The following ZCCHC4 variants were observed in gnomAD, a reference collection of about 807,000 sequenced individuals.
ZCCHC4 encodes the protein rRNA N(6)-adenosine-methyltransferase ZCCHC4.
In ZCCHC4, 54 loss-of-function variants were observed where a neutral mutation model predicts 67.7. The ratio of observed to expected loss-of-function variants is 0.80; its 90% CI spans 0.64 to 1.00. The LOEUF (loss-of-function observed/expected upper bound fraction) is 1.00, where lower values mean the gene tolerates loss of function less well. ZCCHC4 is among the 50% of genes least tolerant of loss of function. The pLI is 0.00. For synonymous variants in ZCCHC4, 198 were observed against 213.5 expected, an observed-to-expected ratio of 0.93 and a Z score of 0.63; for missense variants, 609 against 617.0, an observed-to-expected ratio of 0.99 and a Z score of 0.14.
In ZCCHC4 at chr4:25,340,438, C is replaced by T. The variant is rs116423919; in HGVS notation, c.687-5110C>T. Among the ~76,000 whole-genome samples the T allele has an allele frequency of 9.3e-3, 1,407 of 150,624 alleles. 13 individuals are homozygous for T. The highest frequency in any genetic ancestry group is 0.033 in the African/African-American group (1,335 of 40,852). ...TTGAAAATGGGAAGTATGAGTCTTC[C>T]TATTTTGTTCTTTTTCAAGATTGTT... On this transcript the variant is annotated intron_variant, in intron 5 of 12. Transcript: ENST00000302874.
chr4:25,366,178 C>CT lies in ZCCHC4; in HGVS notation c.1406+1013dup, dbSNP rs1321714418. On this transcript the variant is annotated intron_variant, in intron 12 of 12. Coordinates refer to ENST00000302874, the MANE Select transcript of ZCCHC4 (RefSeq NM_024936.3). ...TGAAAATTTTTTTTTCCATTGTGGT[C>CT]TAGCCACTTGAATTCTGGCTACTAT... 4 of 982,274 alleles carry CT rather than the reference C, an allele frequency of 4.1e-6. No individual in the cohort carries two copies. The African/African-American group carries it at 7.0e-5, about 17-fold the overall frequency. 60.8% of individuals were successfully genotyped at this position (982,274 alleles called of 1,614,324 possible). A position where few individuals can be genotyped will look rare whatever the true frequency, so the allele number is the denominator to read the frequency against.
chr4:25,338,743 T>C (rs1719591019), intron 5 of ZCCHC4, among the ~76,000 whole-genome samples: 2 of 152,236 alleles, frequency 1.3e-5, no homozygotes, highest in Non-Finnish European at 2.9e-5. Context: ...CATTCCTTTT[T>C]TTGGCTGAAT....
chr4:25,351,275 C>T (rs1313592858), intron 7 of ZCCHC4, among the ~76,000 whole-genome samples: 1 of 152,140 alleles, frequency 6.6e-6, no homozygotes, highest in Non-Finnish European at 1.5e-5. Flanking sequence ...ACCTTTGTGC[C>T]TCAAAAGTGG....
At position 25,312,808 on chromosome 4, in the gene ZCCHC4, A is replaced by G. The variant is rs1350274308; in HGVS notation, c.-2A>G. 1 of 1,613,014 alleles carries G rather than the reference A, an allele frequency of 6.2e-7. No individual in the cohort carries two copies. Among genetic ancestry groups the G allele is most frequent in the Non-Finnish European group, 8.5e-7 (1 of 1,179,952 alleles). On this transcript the variant is annotated 5_prime_UTR_variant, in exon 1 of 13. Coordinates refer to ENST00000302874, the MANE Select transcript of ZCCHC4 (RefSeq NM_024936.3). ...TGAGGCTTTCGGGACGGCGGCGGGA[A>G]GATGGCGGCCTCCAGGAATGGGTTT...
intron 3 of ZCCHC4, 135 bp downstream of exon 3, chr4:25,315,535 T>A: frequency 1.7e-6 from 1 of 601,492 alleles, no homozygotes; most frequent in Non-Finnish European, 2.6e-6. Flanking sequence ...AATTTGCCAT[T>A]TTAATCATTT....
At chr4:25,336,944 A>C (rs7682435) in intron 5 of ZCCHC4, among the ~76,000 whole-genome samples, 1 of 152,052 alleles carries the variant, frequency 6.6e-6, no homozygotes, top group East Asian at 1.9e-4. Flanking sequence ...ATCACAGTTT[A>C]TAAGTGGCCA....
intron 7 of ZCCHC4, among the ~76,000 whole-genome samples, chr4:25,350,013 T>A (rs953456830): frequency 6.6e-6 from 1 of 152,154 alleles, no homozygotes; most frequent in Non-Finnish European, 1.5e-5. Context: ...CACATACCTC[T>A]GCCCTGTGGA....
chr4:25,348,991 A>T (rs1720155944), intron 6 of ZCCHC4, among the ~76,000 whole-genome samples: 3 of 152,176 alleles, frequency 2.0e-5, no homozygotes, highest in African/African-American at 7.2e-5. Context: ...TGCATGTTCA[A>T]ATATGTCTGC....
At chr4:25,339,356 A>G (rs1015221700) in intron 5 of ZCCHC4, among the ~76,000 whole-genome samples, 1 of 152,332 alleles carries the variant, frequency 6.6e-6, no homozygotes, top group East Asian at 1.9e-4. Context: ...TTCCTGGGGA[A>G]CAGCCAAACT....
At position 25,339,785 on chromosome 4, in the gene ZCCHC4, G is replaced by C. The variant is rs572158642; in HGVS notation, c.687-5763G>C. 1.3e-3 allele frequency among the ~76,000 whole-genome samples: 195 copies of C among 151,956 alleles called. 1 individual carries two copies. The highest frequency in any genetic ancestry group is 4.4e-3 in the African/African-American group (183 of 41,430). Reference sequence around the variant, plus strand: ...TAGGTGTCATATCTAAGAAAGTCTTGCCTAATCCAATGAGTGTCTATACCC... The same window carrying C: ...TAGGTGTCATATCTAAGAAAGTCTTCCCTAATCCAATGAGTGTCTATACCC... On this transcript the variant is annotated intron_variant, in intron 5 of 12. Transcript: ENST00000302874.
intron 5 of ZCCHC4, among the ~76,000 whole-genome samples, chr4:25,336,100 A>G (rs892511251): frequency 1.3e-5 from 2 of 152,270 alleles, no homozygotes; most frequent in African/African-American, 2.4e-5. Context: ...TTGTGCAGTC[A>G]TCACCACTAG....
At chr4:25,333,511 A>T in intron 4 of ZCCHC4, 53 bp downstream of exon 4, 2 of 1,578,088 alleles carry the variant, frequency 1.3e-6, no homozygotes, top group South Asian at 2.3e-5. Context: ...TTGAAACTGT[A>T]TGAAGATTTT....
chr4:25,326,859 A>G (rs1333695016), intron 3 of ZCCHC4, among the ~76,000 whole-genome samples: 3 of 151,576 alleles, frequency 2.0e-5, no homozygotes, highest in Non-Finnish European at 4.4e-5. Context: ...GTCATCTTTA[A>G]TTTTTCTTGG....
intron 10 of ZCCHC4, among the ~76,000 whole-genome samples, chr4:25,363,152 T>C (rs1720817981): frequency 6.6e-6 from 1 of 152,238 alleles, no homozygotes; most frequent in African/African-American, 2.4e-5. Flanking sequence ...TCACTAAAAA[T>C]CTTTTGTGTT....
chr4:25,353,071 C>G (rs1352138348), intron 8 of ZCCHC4, among the ~76,000 whole-genome samples: 1 of 152,140 alleles, frequency 6.6e-6, no homozygotes, highest in Non-Finnish European at 1.5e-5. Flanking sequence ...TATAAGTATA[C>G]ATTTTTAAAC....
At chr4:25,361,761 CATAT>C in intron 8 of ZCCHC4, 94 bp from the exon 9 acceptor site, 2 of 1,229,918 alleles carry the variant, frequency 1.6e-6, no homozygotes, top group South Asian at 3.1e-5. Flanking sequence ...TACTTTAACT[CATAT>C]ATTGGCATCA....
At chr4:25,329,566 C>T (rs1213337332) in intron 3 of ZCCHC4, among the ~76,000 whole-genome samples, 4 of 135,080 alleles carry the variant, frequency 3.0e-5, no homozygotes, top group Non-Finnish European at 6.1e-5. Flanking sequence ...GACAGAGTCT[C>T]GCTCTGTCAC....
At chr4:25,313,268 A>T (rs996693366) in intron 1 of ZCCHC4, among the ~76,000 whole-genome samples, 6 of 152,206 alleles carry the variant, frequency 3.9e-5, no homozygotes, top group Non-Finnish European at 8.8e-5. Context: ...CTCTCCCTTC[A>T]AAAATAAAAA....
In ZCCHC4 at chr4:25,314,052, C is replaced by G; in HGVS notation, c.134C>G (p.Thr45Ser). Residue 45 changes from threonine (T) to serine (S), a missense_variant, in exon 2 of 13, where the codon ACT becomes AGT. Thr to Ser is a moderately conservative substitution (Grantham distance 58). Coordinates refer to ENST00000302874, the MANE Select transcript of ZCCHC4 (RefSeq NM_024936.3). Reference protein sequence around the residue: ...VPAPLCPHGPTLLFVKVTQGK... With the variant: ...VPAPLCPHGPSLLFVKVTQGK... ...TTTTCTATTCTGGAACTAGGACCCACTCTTCTGTTTGTAAAGGTGACCCAA... is the reference window on the plus strand; with the variant it reads ...TTTTCTATTCTGGAACTAGGACCCAGTCTTCTGTTTGTAAAGGTGACCCAA... 1 of 1,559,262 alleles carries G rather than the reference C, an allele frequency of 6.4e-7. No homozygotes were observed. The highest frequency in any genetic ancestry group is 8.8e-7 in the Non-Finnish European group (1 of 1,140,528).
Sources: allele counts gnomAD v4.1 joint callset (sites outside exome capture counted in the v4.1 genomes callset), GRCh38; gene constraint gnomAD v4.1.1; transcripts MANE v1.5; gene names NCBI Gene and HGNC (gene_info 2026-07-23, HGNC 2026-07-21).